DRG2: variants seen among roughly 807,000 people sequenced by gnomAD.
The protein encoded by DRG2 is developmentally regulated GTP binding protein 2, also known as developmentally-regulated GTP-binding protein 2.
A neutral mutation model predicts 53.4 loss-of-function variants in DRG2; 36 were observed. That is an observed-to-expected ratio of 0.67 (90% CI 0.52 to 0.89). DRG2 has a LOEUF of 0.89. DRG2 is among the 40% of genes least tolerant of loss of function. The pLI, the probability that DRG2 is intolerant of heterozygous loss-of-function variation, is 0.00. For missense variants in DRG2, 342 were observed against 481.2 expected (o/e 0.71, Z 2.71); for synonymous variants, 167 against 192.1 (o/e 0.87, Z 1.08).
Position 18,100,614 on chromosome 17 carries a change from A to T in DRG2, c.586A>T (p.Thr196Ser). 6.2e-7 allele frequency: 1 copy of T among 1,614,120 alleles called. No individual in the cohort carries two copies. Reference sequence around the variant, plus strand: ...CTCCTTTAACTCGACAGTCACGCTGACCCAGTGCTCGGAAAAGCTGGTGCA... The same window carrying T: ...CTCCTTTAACTCGACAGTCACGCTGTCCCAGTGCTCGGAAAAGCTGGTGCA... ...GISFNSTVTLTQCSEKLVQLI... is the reference protein window; with the variant it reads ...GISFNSTVTLSQCSEKLVQLI... The change falls in exon 7 of 13, where the codon ACC becomes TCC. Residue 196 changes from threonine (T) to serine (S), a missense_variant. Coordinates refer to ENST00000225729, the MANE Select transcript of DRG2 (RefSeq NM_001388.5). The surrounding 1 kb of genome is among the most constrained non-coding windows in gnomAD (Gnocchi z 4.1).
Position 18,088,013 on chromosome 17 carries a change from C to T in DRG2, c.-11C>T. On this transcript the variant is annotated 5_prime_UTR_variant, in exon 1 of 13. Coordinates refer to ENST00000225729, the MANE Select transcript of DRG2 (RefSeq NM_001388.5). ...GCCACCGCTGTCTGTGCGCCCACCT[C>T]TGCTGCTACCATGGGGATCTTAGAG... is the stretch of plus-strand genomic sequence containing the variant. The T allele has an allele frequency of 6.5e-7, 1 of 1,548,312 alleles. No homozygotes were observed.
At position 18,100,285 on chromosome 17, in the gene DRG2, G is replaced by T; in HGVS notation, c.468-78G>T. 1.4e-6 allele frequency: 2 copies of T among 1,464,860 alleles called. No homozygotes were observed. The highest frequency in any genetic ancestry group is 1.1e-5 in the South Asian group (1 of 87,616). 90.7% of individuals were successfully genotyped at this position (1,464,860 alleles called of 1,614,324 possible). ...GAGAGTCAGTCTCTGGGTGGGCAGT[G>T]ACATCCTGCGTAACAGGGAAGCTGT... is the stretch of plus-strand genomic sequence containing the variant. On this transcript the variant is annotated intron_variant, in intron 5 of 12. Transcript: ENST00000225729. This position sits in a 1 kb window ranked among gnomAD's most constrained non-coding sequence, Gnocchi z 4.1.
chr17:18,102,702 C>A (rs2045562299), intron 9 of DRG2, among the ~76,000 whole-genome samples: 1 of 151,710 alleles, frequency 6.6e-6, no homozygotes, highest in South Asian at 2.1e-4. Context: ...TGTGAGCCTA[C>A]CTCTCCTGGT....
chr17:18,102,020 A>G (rs1207654412), intron 9 of DRG2, 23 bp downstream of exon 9: 1 of 1,599,398 alleles, frequency 6.3e-7, no homozygotes, highest in Non-Finnish European at 8.5e-7. Context: ...GCATCCTGCC[A>G]CTCTGCTGTC....
chr17:18,089,487 G>C (rs369835603), intron 1 of DRG2, among the ~76,000 whole-genome samples: 1 of 152,340 alleles, frequency 6.6e-6, no homozygotes, highest in East Asian at 1.9e-4. Flanking sequence ...GGTTAAAGCA[G>C]TGAACACAGC....
chr17:18,089,732 G>A (rs145297647), intron 1 of DRG2, among the ~76,000 whole-genome samples: 115 of 152,218 alleles, frequency 7.6e-4, no homozygotes, highest in African/African-American at 2.6e-3. Flanking sequence ...AGAAGGAACC[G>A]GTCACGCAAA....
chr17:18,094,783 T>C (rs2045398301), intron 2 of DRG2, among the ~76,000 whole-genome samples: 1 of 151,892 alleles, frequency 6.6e-6, no homozygotes, highest in African/African-American at 2.4e-5. Flanking sequence ...AAGACCAGCC[T>C]GACCAACATG....
chr17:18,092,864 G>C (rs2045358225), intron 1 of DRG2, among the ~76,000 whole-genome samples: 1 of 152,130 alleles, frequency 6.6e-6, no homozygotes, highest in African/African-American at 2.4e-5. Context: ...CCCCAAGAGG[G>C]GCTGCCATGG....
intron 1 of DRG2, among the ~76,000 whole-genome samples, chr17:18,090,391 TATATATATATA>T (rs1192900786): frequency 1.6e-3 from 21 of 13,190 alleles, no homozygotes; most frequent in African/African-American, 9.7e-3. Flanking sequence ...TATATATATA[TATATATATATA>T]TATATTTTTT....
At chr17:18,107,052 GC>G in intron 12 of DRG2, 101 bp from the exon 13 acceptor site, 2 of 1,076,462 alleles carry the variant, frequency 1.9e-6, no homozygotes, top group Non-Finnish European at 2.8e-6. Context: ...CCCACCTTAT[GC>G]CATGGCATTT....
At chr17:18,088,616 C>G (rs779591795) in intron 1 of DRG2, among the ~76,000 whole-genome samples, 1 of 152,192 alleles carries the variant, frequency 6.6e-6, no homozygotes, top group Admixed American at 6.6e-5. Flanking sequence ...TCTCAGTGTC[C>G]TCATCTGTAA....
At chr17:18,101,659 G>C in intron 8 of DRG2, 69 bp downstream of exon 8, 1 of 1,479,242 alleles carries the variant, frequency 6.8e-7, no homozygotes, top group Non-Finnish European at 9.4e-7. Flanking sequence ...CTCAGCTCCC[G>C]GAACCTTGTG....
At chr17:18,104,501 G>C in intron 10 of DRG2, 122 bp from the exon 11 acceptor site, 1 of 1,532,202 alleles carries the variant, frequency 6.5e-7, no homozygotes. Context: ...GTCAGGGGGA[G>C]GTTAGGCCAA....
chr17:18,104,155 A>G (rs376662347), intron 10 of DRG2, among the ~76,000 whole-genome samples: 1 of 152,024 alleles, frequency 6.6e-6, no homozygotes, highest in East Asian at 1.9e-4. Context: ...CCGCAGGAGC[A>G]TTAGGGACCT....
intron 1 of DRG2, among the ~76,000 whole-genome samples, chr17:18,089,886 T>C (rs1021173870): frequency 6.6e-5 from 10 of 152,050 alleles, no homozygotes; most frequent in Admixed American, 2.0e-4. Flanking sequence ...TGCAGAGCCA[T>C]AGGTCATGGG....
At chr17:18,095,261 C>T (rs1395021664) in intron 2 of DRG2, among the ~76,000 whole-genome samples, 1 of 151,930 alleles carries the variant, frequency 6.6e-6, no homozygotes, top group African/African-American at 2.4e-5. Flanking sequence ...ATCCGCCCAC[C>T]TTGGCCTCCC....
At chr17:18,096,520 C>T (rs1041610924) in intron 2 of DRG2, 5 of 152,164 alleles carry the variant, frequency 3.3e-5, no homozygotes, top group African/African-American at 1.2e-4. Context: ...TGTGTTTTTC[C>T]AGCACTTCCT....
In DRG2 at chr17:18,093,461, G is replaced by A. The variant is rs2045369512; in HGVS notation, c.65-352G>A. ...AGCCTCCCAAATAGTTGGGATTACA[G>A]GCATGAACGACCATGCCCAGCTAAT... is the stretch of plus-strand genomic sequence containing the variant. On this transcript the variant is annotated intron_variant, in intron 1 of 12. Transcript: ENST00000225729. Among the ~76,000 whole-genome samples the A allele has an allele frequency of 2.0e-5, 3 of 152,028 alleles. No individual in the cohort carries two copies. The South Asian group carries it at 6.2e-4, about 31-fold the overall frequency.
At chr17:18,104,518 G>A (rs889426780) in intron 10 of DRG2, 105 bp from the exon 11 acceptor site, 2 of 1,568,056 alleles carry the variant, frequency 1.3e-6, no homozygotes, top group African/African-American at 1.4e-5. Context: ...CCAAGGCAAG[G>A]AGACCGAAAG....
Sources: gnomAD v4.1 joint callset for allele counts (sites outside exome capture counted in the v4.1 genomes callset) on GRCh38, gnomAD v4.1.1 for gene constraint, Gnocchi (gnomAD v3.1) non-coding constraint, MANE v1.5 for transcripts, NCBI Gene and HGNC (gene_info 2026-07-23, HGNC 2026-07-21) for gene names.